ARMC7: variants seen among roughly 807,000 people sequenced by gnomAD.
ARMC7 encodes armadillo repeat-containing protein 7.
A neutral mutation model predicts 14.8 loss-of-function variants in ARMC7; 9 were observed. That is an observed-to-expected ratio of 0.61 (90% confidence interval 0.37 to 1.06). The LOEUF is 1.06. ARMC7 is among the 50% of genes least tolerant of loss of function. The pLI, the probability that ARMC7 is intolerant of heterozygous loss-of-function variation, is 0.01. For missense variants in ARMC7, 262 were observed against 267.1 expected (o/e 0.98, Z 0.13); for synonymous variants, 125 against 123.4 (o/e 1.01, Z -0.09).
Position 75,110,558 on chromosome 17 carries a change from C to A in ARMC7, c.187C>A (p.Leu63Ile). 1 of 1,614,266 alleles carries A rather than the reference C, an allele frequency of 6.2e-7. No individual in the cohort carries two copies. The highest frequency in any genetic ancestry group is 1.1e-5 in the South Asian group (1 of 91,090). The change falls in exon 2 of 3, where the codon CTC (leucine) becomes ATC (isoleucine). Residue 63 changes from leucine (L) to isoleucine (I), a missense_variant. Physicochemically the swap from Leu to Ile is conservative, Grantham distance 5. Transcript: ENST00000245543. ...LRQLQVLDLF[L>I]DSLSEENETL... ...GCAGCTGCAGGTCCTGGATTTATTT[C>A]TCGATTCGCTGTCGGAGGAGAATGA... is the stretch of plus-strand genomic sequence containing the variant.
chr17:75,130,261 C>G lies in ARMC7; in HGVS notation c.*1223C>G, dbSNP rs2074095082. On this transcript the variant is annotated 3_prime_UTR_variant, in exon 3 of 3. Transcript: ENST00000245543. The stretch of plus-strand genomic sequence containing the variant: ...CAAGGTCTTTTATTAAAGGTCCCGA[C>G]TGGTTTTCCCACTGTATTTCCATGC... The G allele has an allele frequency of 5.3e-6, 3 of 570,258 alleles. No homozygotes were observed. Among genetic ancestry groups the G allele is most frequent in the South Asian group, 2.2e-5 (1 of 46,154 alleles). 35.3% of individuals were successfully genotyped at this position (570,258 alleles called of 1,614,324 possible).
rs1391632333 is a variant in ARMC7 at position 75,123,412 on chromosome 17, A to G, written c.236-5265A>G. Among the ~76,000 whole-genome samples the G allele has an allele frequency of 2.0e-5, 3 of 147,052 alleles. No individual in the cohort carries two copies. In the South Asian group the frequency reaches 6.5e-4, roughly 32 times the overall value. On this transcript the variant is annotated intron_variant, in intron 2 of 2. Transcript: ENST00000245543. The stretch of plus-strand genomic sequence containing the variant: ...TCTGTCGCCCAGGCTAGAGTGCAGC[A>G]GTGCGATCTCTGCTCACTGCAAGCT...
chr17:75,112,901 T>A (rs543633205), intron 2 of ARMC7, among the ~76,000 whole-genome samples: 10 of 152,212 alleles, frequency 6.6e-5, no homozygotes, highest in African/African-American at 2.2e-4. Context: ...ATGCAAATGT[T>A]CCCCCTTCCG....
intron 2 of ARMC7, among the ~76,000 whole-genome samples, chr17:75,126,939 G>A (rs1301000676): frequency 6.6e-6 from 1 of 151,780 alleles, no homozygotes; most frequent in East Asian, 2.0e-4. Context: ...GCACATGCCG[G>A]TTATCCCAGC....
At chr17:75,114,873 C>T (rs896470276) in intron 2 of ARMC7, 4 of 393,808 alleles carry the variant, frequency 1.0e-5, no homozygotes, top group Non-Finnish European at 1.8e-5. Context: ...GGAGAGCCCC[C>T]GCGTATTTTC....
At chr17:75,126,839 A>G (rs1195378286) in intron 2 of ARMC7, among the ~76,000 whole-genome samples, 1 of 151,934 alleles carries the variant, frequency 6.6e-6, no homozygotes, top group Non-Finnish European at 1.5e-5. Flanking sequence ...GGCGGGTGGA[A>G]CACCTGAGGT....
At chr17:75,125,475 C>A (rs957736363) in intron 2 of ARMC7, among the ~76,000 whole-genome samples, 3 of 152,144 alleles carry the variant, frequency 2.0e-5, no homozygotes, top group African/African-American at 7.2e-5. Flanking sequence ...GAAGAACAGA[C>A]AGGACGGCTC....
chr17:75,127,152 T>C (rs1307509696), intron 2 of ARMC7, among the ~76,000 whole-genome samples: 1 of 151,376 alleles, frequency 6.6e-6, no homozygotes. Context: ...GGCAGAAGGA[T>C]GGCTTAAAGC....
At chr17:75,113,019 T>TTTA (rs2073940598) in intron 2 of ARMC7, among the ~76,000 whole-genome samples, 1 of 151,216 alleles carries the variant, frequency 6.6e-6, no homozygotes, top group Admixed American at 6.6e-5. Flanking sequence ...TTTATTTTAT[T>TTTA]TTATTTTATT....
intron 2 of ARMC7, among the ~76,000 whole-genome samples, chr17:75,118,189 C>T (rs2073986661): frequency 6.6e-6 from 1 of 151,936 alleles, no homozygotes; most frequent in African/African-American, 2.4e-5. Context: ...CTGATTCTGA[C>T]TTCCTTGGCT....
chr17:75,110,312 C>T lies in ARMC7; in HGVS notation c.24C>T (p.Asp8=). 6.2e-7 allele frequency: 1 copy of T among 1,613,094 alleles called. No individual in the cohort carries two copies. Among genetic ancestry groups the T allele is most frequent in the Non-Finnish European group, 8.5e-7 (1 of 1,180,008 alleles). MAQKPKV[D]PHVGRLGYLQ... ...CCATGGCCCAGAAGCCGAAGGTGGA[C>T]CCCCACGTCGGGCGGCTGGGATACC... Residue 8 remains aspartate, a synonymous_variant, in exon 1 of 3, where the codon GAC becomes GAT. Coordinates refer to ENST00000245543, the MANE Select transcript of ARMC7 (RefSeq NM_024585.4).
intron 2 of ARMC7, among the ~76,000 whole-genome samples, chr17:75,117,585 G>T (rs1021405359): frequency 2.0e-5 from 3 of 152,178 alleles, no homozygotes; most frequent in African/African-American, 7.2e-5. Flanking sequence ...ACAGATCATA[G>T]GTGGCTTCAA....
Position 75,128,825 on chromosome 17 carries a change from G to C in ARMC7, c.384G>C (p.Pro128=). The C allele has an allele frequency of 6.2e-7, 1 of 1,613,190 alleles. No homozygotes were observed. Among genetic ancestry groups the C allele is most frequent in the Non-Finnish European group, 8.5e-7 (1 of 1,180,008 alleles). The change falls in exon 3 of 3, where the codon CCG becomes CCC. Residue 128 remains proline (P), a synonymous_variant. Transcript: ENST00000245543. ...AITTLMHLSP[P]GRSFLPELTA... ...CCACGCTCATGCACCTGAGCCCGCC[G>C]GGCCGCAGCTTTCTCCCAGAGCTGA...
At chr17:75,122,925 G>T (rs1466898424) in intron 2 of ARMC7, among the ~76,000 whole-genome samples, 1 of 152,022 alleles carries the variant, frequency 6.6e-6, no homozygotes, top group Non-Finnish European at 1.5e-5. Context: ...TCTTAGAGGA[G>T]GTGGCGTCTT....
chr17:75,123,708 C>T (rs1043324851), intron 2 of ARMC7, among the ~76,000 whole-genome samples: 2 of 152,004 alleles, frequency 1.3e-5, no homozygotes, highest in African/African-American at 4.8e-5. Context: ...GTTAGGAGTT[C>T]GAGATTAGCC....
chr17:75,122,256 G>A (rs368245421), intron 2 of ARMC7, among the ~76,000 whole-genome samples: 1 of 151,928 alleles, frequency 6.6e-6, no homozygotes, highest in Non-Finnish European at 1.5e-5. Context: ...AACCCCGGAG[G>A]TGGAGGATGC....
chr17:75,117,288 G>A (rs2073979982), intron 2 of ARMC7, among the ~76,000 whole-genome samples: 1 of 152,174 alleles, frequency 6.6e-6, no homozygotes, highest in South Asian at 2.1e-4. Flanking sequence ...TGTTGGCCAG[G>A]CTGATCTCGA....
At chr17:75,126,781 CG>C (rs2074054604) in intron 2 of ARMC7, among the ~76,000 whole-genome samples, 1 of 151,992 alleles carries the variant, frequency 6.6e-6, no homozygotes, top group Non-Finnish European at 1.5e-5. Context: ...AAAAGCTGGG[CG>C]GGGCACAGTG....
intron 2 of ARMC7, chr17:75,114,547 T>A (rs1244485159): frequency 2.5e-6 from 1 of 394,254 alleles, no homozygotes; most frequent in Non-Finnish European, 4.5e-6. Context: ...GTCCCGTCCC[T>A]TCTCCGAGCG....
Sources: allele counts gnomAD v4.1 joint callset (sites outside exome capture counted in the v4.1 genomes callset), GRCh38; gene constraint gnomAD v4.1.1; transcripts MANE v1.5; gene names NCBI Gene and HGNC (gene_info 2026-07-23, HGNC 2026-07-21).